CPNE3: variants seen among roughly 807,000 people sequenced by gnomAD.
CPNE3 encodes copine-3.
A neutral mutation model predicts 63.9 loss-of-function variants in CPNE3; 68 were observed. The ratio of observed to expected loss-of-function variants is 1.06; its 90% CI spans 0.87 to 1.30. The LOEUF (loss-of-function observed/expected upper bound fraction) is 1.30, where lower values mean the gene tolerates loss of function less well. CPNE3 is among the 50% of genes most tolerant of loss of function. The probability of loss-of-function intolerance (pLI) is 0.00; values close to 1 mark genes in which losing one functional copy is unlikely to be tolerated. For missense variants in CPNE3, 665 were observed against 578.1 expected, an observed-to-expected ratio of 1.15 and a Z score of -1.54; for synonymous variants, 219 against 197.5, an observed-to-expected ratio of 1.11 and a Z score of -0.91.
At chr8:86,533,740 C>G (rs1586836046) in intron 6 of CPNE3, among the ~76,000 whole-genome samples, 1 of 152,152 alleles carries the variant, frequency 6.6e-6, no homozygotes, top group Non-Finnish European at 1.5e-5. Context: ...TCTCTCCTCC[C>G]AGACTTCATA....
At chr8:86,538,329 C>T (rs137927299) in intron 7 of CPNE3, among the ~76,000 whole-genome samples, 263 of 152,172 alleles carry the variant, frequency 1.7e-3, no homozygotes, top group African/African-American at 6.1e-3. Flanking sequence ...GAGCTGAGAT[C>T]GCACCACTGC....
rs1257858896 is a variant in CPNE3, at chr8:86,560,000, G to C, written c.*1590G>C. 6.6e-6 allele frequency: 1 copy of C among 152,186 alleles called. No homozygotes were observed. The highest frequency in any genetic ancestry group is 1.5e-5 in the Non-Finnish European group (1 of 68,076). 9.4% of individuals were successfully genotyped at this position (152,186 alleles called of 1,614,324 possible). A position where few individuals can be genotyped will look rare whatever the true frequency, so the allele number is the denominator to read the frequency against. On this transcript the variant is annotated 3_prime_UTR_variant, in exon 17 of 17. Transcript: ENST00000517490. ...TCATTGCCAAGGCCAGGCTGAGAGGGGACCTGCTTGCTGTGGTGGTTGCCT... is the reference window on the plus strand; with the variant it reads ...TCATTGCCAAGGCCAGGCTGAGAGGCGACCTGCTTGCTGTGGTGGTTGCCT...
intron 8 of CPNE3, among the ~76,000 whole-genome samples, chr8:86,541,284 C>A (rs1376596001): frequency 6.6e-6 from 1 of 152,174 alleles, no homozygotes; most frequent in Admixed American, 6.5e-5. Flanking sequence ...TAGTAGGAAG[C>A]TTCACCTGGA....
At chr8:86,529,628 A>C (rs776795545) in intron 4 of CPNE3, among the ~76,000 whole-genome samples, 1 of 152,136 alleles carries the variant, frequency 6.6e-6, no homozygotes, top group Non-Finnish European at 1.5e-5. Flanking sequence ...GGTACTTACT[A>C]TCTGGTACTT....
At chr8:86,527,459 G>T (rs1383168690) in intron 2 of CPNE3, among the ~76,000 whole-genome samples, 2 of 152,186 alleles carry the variant, frequency 1.3e-5, no homozygotes, top group Admixed American at 1.3e-4. Context: ...GACTGGGGAA[G>T]GAGGGGTCTA....
chr8:86,533,501 T>C (rs72690458), intron 6 of CPNE3, among the ~76,000 whole-genome samples: 8,262 of 152,084 alleles, frequency 0.054, 316 homozygotes, highest in Non-Finnish European at 0.087. Context: ...TTCTCACCTG[T>C]GTAATGGAAC....
At chr8:86,551,666 G>T (rs1189534714) in intron 14 of CPNE3, among the ~76,000 whole-genome samples, 1 of 152,112 alleles carries the variant, frequency 6.6e-6, no homozygotes, top group African/African-American at 2.4e-5. Context: ...CACTCTCTAC[G>T]AAGAGAAAAG....
intron 12 of CPNE3, among the ~76,000 whole-genome samples, chr8:86,549,430 T>C (rs1179104666): frequency 6.6e-6 from 1 of 152,044 alleles, no homozygotes; most frequent in East Asian, 1.9e-4. Flanking sequence ...ATCTTAAGAG[T>C]ATGGAATTAG....
At chr8:86,551,385 G>T (rs982264519) in intron 14 of CPNE3, 151 bp downstream of exon 14, 2 of 635,890 alleles carry the variant, frequency 3.1e-6, no homozygotes, top group Non-Finnish European at 5.4e-6. Context: ...ACTTTCTGTT[G>T]TATAAGGTAG....
At chr8:86,517,151 CTATT>C (rs1314576915) in intron 2 of CPNE3, among the ~76,000 whole-genome samples, 7 of 152,020 alleles carry the variant, frequency 4.6e-5, no homozygotes, top group Non-Finnish European at 4.4e-5. Flanking sequence ...TTTGGAGAGA[CTATT>C]TATTCTTTTA....
Position 86,560,148 on chromosome 8 carries a change from A to G in CPNE3, c.*1738A>G, listed in dbSNP as rs1435318237. ...ACTCCATAGTATGGCTCAATAGATG[A>G]CACATCATTTTGACATTATCAATAG... On this transcript the variant is annotated 3_prime_UTR_variant, in exon 17 of 17. Coordinates refer to ENST00000517490, the MANE Select transcript of CPNE3 (RefSeq NM_003909.5). 3 of 152,200 alleles carry G rather than the reference A, an allele frequency of 2.0e-5. No homozygotes were observed. The highest frequency in any genetic ancestry group is 4.4e-5 in the Non-Finnish European group (3 of 68,036). 9.4% of individuals were successfully genotyped at this position (152,200 alleles called of 1,614,324 possible).
chr8:86,544,929 T>C, intron 9 of CPNE3, 91 bp downstream of exon 9: 3 of 632,922 alleles, frequency 4.7e-6, no homozygotes, highest in Non-Finnish European at 7.8e-6. Flanking sequence ...ATCAAACGGT[T>C]TACTATGCTT....
Position 86,529,225 on chromosome 8 carries a change from C to T in CPNE3, c.312+101C>T, listed in dbSNP as rs564998801. 5.8e-5 allele frequency: 55 copies of T among 949,546 alleles called. No homozygotes were observed. The East Asian group carries it at 1.3e-3, about 23-fold the overall frequency. 58.8% of individuals were successfully genotyped at this position (949,546 alleles called of 1,614,324 possible). ...GCATTTAATTTTTAAAGTTGAAAAA[C>T]ATGTAATCACTTTAAAGACAGTTTA... is the stretch of plus-strand genomic sequence containing the variant. On this transcript the variant is annotated intron_variant, in intron 4 of 16. Transcript: ENST00000517490.
At chr8:86,539,561 A>G (rs1820881243) in intron 7 of CPNE3, among the ~76,000 whole-genome samples, 1 of 151,594 alleles carries the variant, frequency 6.6e-6, no homozygotes, top group Admixed American at 6.6e-5. Context: ...ATTCCAACAT[A>G]GTTTCTTATT....
At chr8:86,531,327 G>A in intron 5 of CPNE3, 98 bp downstream of exon 5, 1 of 718,464 alleles carries the variant, frequency 1.4e-6, no homozygotes, top group Non-Finnish European at 2.5e-6. Context: ...GCCATGCTTT[G>A]TCACTCAATC....
chr8:86,554,811 GA>G, intron 14 of CPNE3, 39 bp from the exon 15 acceptor site: 1 of 1,605,426 alleles, frequency 6.2e-7, no homozygotes, highest in Non-Finnish European at 8.5e-7. Flanking sequence ...TTGTGCTTGA[GA>G]ATTTTTAGTA....
intron 6 of CPNE3, among the ~76,000 whole-genome samples, chr8:86,535,955 A>G (rs543886067): frequency 1.8e-4 from 28 of 152,092 alleles, no homozygotes; most frequent in African/African-American, 5.8e-4. Flanking sequence ...TCACAGACCT[A>G]CTTTCATTTT....
At chr8:86,520,806 C>T (rs998334372) in intron 2 of CPNE3, among the ~76,000 whole-genome samples, 1 of 151,636 alleles carries the variant, frequency 6.6e-6, no homozygotes, top group Non-Finnish European at 1.5e-5. Flanking sequence ...CTACAGTGCA[C>T]CATGCCCAAC....
intron 12 of CPNE3, among the ~76,000 whole-genome samples, chr8:86,548,766 A>G (rs958913541): frequency 2.0e-5 from 3 of 152,148 alleles, no homozygotes; most frequent in Non-Finnish European, 4.4e-5. Context: ...CATAAGTTGT[A>G]TGAGTGATTG....
Sources: allele counts gnomAD v4.1 joint callset (sites outside exome capture counted in the v4.1 genomes callset), GRCh38; gene constraint gnomAD v4.1.1; transcripts MANE v1.5; gene names NCBI Gene and HGNC (gene_info 2026-07-23, HGNC 2026-07-21).